OPCML: variants seen among roughly 807,000 people sequenced by gnomAD.
The protein encoded by OPCML is opioid-binding protein/cell adhesion molecule.
OPCML carries 13 observed loss-of-function variants against 37.8 expected under a neutral mutation model. The ratio of observed to expected loss-of-function variants is 0.34; its 90% confidence interval spans 0.22 to 0.55. The LOEUF (loss-of-function observed/expected upper bound fraction) is 0.55. Among genes scored for constraint, OPCML ranks in the 20% least tolerant of loss-of-function variants. The pLI, the probability that OPCML is intolerant of heterozygous loss-of-function variation, is 0.91. For missense variants in OPCML, 341 were observed against 435.6 expected, an observed-to-expected ratio of 0.78 and a Z score of 1.93; for synonymous variants, 176 against 168.8, an observed-to-expected ratio of 1.04 and a Z score of -0.33.
intron 4 of OPCML, among the ~76,000 whole-genome samples, chr11:132,447,779 C>A (rs2136823223): frequency 1.3e-5 from 2 of 152,368 alleles, no homozygotes; most frequent in South Asian, 4.1e-4. Context: ...CAACACTCAA[C>A]CTTCTTAAGA....
intron 1 of OPCML, among the ~76,000 whole-genome samples, chr11:133,086,863 C>T (rs1004616783): frequency 3.9e-5 from 6 of 152,198 alleles, no homozygotes; most frequent in African/African-American, 1.4e-4. Flanking sequence ...GCTTATTTTG[C>T]TTAGCATATT....
intron 4 of OPCML, among the ~76,000 whole-genome samples, chr11:132,484,537 A>G (rs1224575329): frequency 1.3e-5 from 2 of 152,228 alleles, no homozygotes; most frequent in Non-Finnish European, 2.9e-5. Flanking sequence ...AGAACTAGCA[A>G]TACCATTTGA....
chr11:132,437,542 C>G (rs1335852942), intron 4 of OPCML, 183 bp from the exon 5 acceptor site: 1 of 916,606 alleles, frequency 1.1e-6, no homozygotes, highest in Non-Finnish European at 1.3e-6. Flanking sequence ...GAAAGAAATT[C>G]TGTGCTTGAG....
intron 1 of OPCML, among the ~76,000 whole-genome samples, chr11:133,155,971 A>G (rs972249971): frequency 6.6e-6 from 1 of 152,132 alleles, no homozygotes; most frequent in African/African-American, 2.4e-5. Flanking sequence ...TCTTTTTGCA[A>G]GGTCGGGATC....
chr11:132,790,865 C>G (rs1376138685), intron 2 of OPCML, among the ~76,000 whole-genome samples: 1 of 152,174 alleles, frequency 6.6e-6, no homozygotes, highest in Non-Finnish European at 1.5e-5. Flanking sequence ...CCATAGAAAT[C>G]ACACGGAAAA....
chr11:132,453,827 G>A (rs2096074646), intron 4 of OPCML, among the ~76,000 whole-genome samples: 1 of 152,172 alleles, frequency 6.6e-6, no homozygotes, highest in Non-Finnish European at 1.5e-5. Context: ...AGCATGGACA[G>A]GGTGAGGAGG....
intron 1 of OPCML, among the ~76,000 whole-genome samples, chr11:133,500,607 G>A (rs895952556): frequency 1.3e-5 from 2 of 152,176 alleles, no homozygotes; most frequent in African/African-American, 4.8e-5. Context: ...GGGACCAGGA[G>A]ACAAGGCGAG....
At chr11:132,814,484 G>A (rs1268126287) in intron 2 of OPCML, among the ~76,000 whole-genome samples, 1 of 152,188 alleles carries the variant, frequency 6.6e-6, no homozygotes. Flanking sequence ...TTCAGGCAGT[G>A]AGGCAGAAAT....
chr11:133,442,092 T>C (rs1032262464), intron 1 of OPCML, among the ~76,000 whole-genome samples: 8 of 152,204 alleles, frequency 5.3e-5, no homozygotes, highest in East Asian at 1.9e-4. Flanking sequence ...TAGTGAGTAG[T>C]TTTCCTACTG....
chr11:132,550,473 C>A (rs972552150), intron 3 of OPCML, among the ~76,000 whole-genome samples: 93 of 152,284 alleles, frequency 6.1e-4, no homozygotes, highest in South Asian at 5.8e-3. Flanking sequence ...CGGGCTTTGC[C>A]TTCCCCCATG....
intron 1 of OPCML, among the ~76,000 whole-genome samples, chr11:133,337,634 C>G (rs1215820291): frequency 6.6e-6 from 1 of 152,134 alleles, no homozygotes; most frequent in Admixed American, 6.5e-5. Context: ...TCATATCTAT[C>G]AATTCTCACT....
chr11:132,512,755 AAT>A (rs146083170), intron 4 of OPCML, among the ~76,000 whole-genome samples: 30,147 of 151,124 alleles, frequency 0.2, 3,089 homozygotes, highest in Non-Finnish European at 0.22. Context: ...ATATACATGT[AAT>A]ATATATATAT....
chr11:133,339,818 T>C (rs892596679), intron 1 of OPCML, among the ~76,000 whole-genome samples: 4 of 152,222 alleles, frequency 2.6e-5, no homozygotes, highest in African/African-American at 9.6e-5. Context: ...TAATTTTATT[T>C]TGTAGCCCTC....
At chr11:133,326,767 G>T (rs1425410849) in intron 1 of OPCML, among the ~76,000 whole-genome samples, 1 of 143,792 alleles carries the variant, frequency 7.0e-6, no homozygotes, top group East Asian at 2.2e-4. Flanking sequence ...GGTGTGTGGG[G>T]CAGTGAGTGT....
rs372757184 is a variant in OPCML, at chr11:132,415,770, A to G, written c.*4423T>C. The G allele has an allele frequency of 1.4e-4, 22 of 152,650 alleles. No individual in the cohort carries two copies. The highest frequency in any genetic ancestry group is 5.3e-4 in the African/African-American group (22 of 41,466). The allele number at this position is 152,650 out of a possible 1,614,324, so 9.5% of individuals were successfully genotyped here. ...CCTGAAGGCTAAATTGAACTGGCTC[A>G]GCCCTATCTTTTTTGCCACATCTTT... On this transcript the variant is annotated 3_prime_UTR_variant, in exon 8 of 8. Transcript: ENST00000524381.
intron 1 of OPCML, among the ~76,000 whole-genome samples, chr11:132,969,766 G>A (rs1946299001): frequency 6.6e-6 from 1 of 151,978 alleles, no homozygotes; most frequent in Admixed American, 6.6e-5. Context: ...TGCTTCTTTT[G>A]GGGCTCAATT....
chr11:133,006,501 C>A, intron 1 of OPCML: 2 of 985,430 alleles, frequency 2.0e-6, no homozygotes, highest in Non-Finnish European at 2.4e-6. Context: ...CCTTAATCAT[C>A]ATAACTTGTT....
At chr11:132,493,406 A>G (rs2096222134) in intron 4 of OPCML, among the ~76,000 whole-genome samples, 1 of 152,252 alleles carries the variant, frequency 6.6e-6, no homozygotes, top group African/African-American at 2.4e-5. Flanking sequence ...TGCAATTTCT[A>G]CACTGATCCC....
At chr11:132,887,975 C>T (rs1022184103) in intron 2 of OPCML, among the ~76,000 whole-genome samples, 5 of 152,132 alleles carry the variant, frequency 3.3e-5, no homozygotes, top group African/African-American at 1.2e-4. Flanking sequence ...GATTTTGTTG[C>T]TTGTAAGACC....
Sources: allele counts gnomAD v4.1 joint callset (sites outside exome capture counted in the v4.1 genomes callset), GRCh38; gene constraint gnomAD v4.1.1; transcripts MANE v1.5; gene names NCBI Gene and HGNC (gene_info 2026-07-23, HGNC 2026-07-21).